Variants in AP3D1 observed in about 807,000 individuals in gnomAD.
AP3D1 encodes AP-3 complex subunit delta-1.
In AP3D1, 51 loss-of-function variants were observed where a neutral mutation model predicts 147.6. The observed-to-expected ratio is 0.35, with a 90% CI of 0.28 to 0.44. The LOEUF (loss-of-function observed/expected upper bound fraction) is 0.44, where lower values mean the gene tolerates loss of function less well. Ranked by LOEUF, AP3D1 falls within the 20% of genes least tolerant of loss-of-function variation. AP3D1 has a pLI of 1.00. For synonymous variants in AP3D1, 760 were observed against 663.0 expected (o/e 1.15, Z -2.25); for missense variants, 1,421 against 1,624.2 (o/e 0.87, Z 2.15).
chr19:2,120,809 A>G, intron 14 of AP3D1, 53 bp downstream of exon 14: 1 of 1,544,964 alleles, frequency 6.5e-7, no homozygotes, highest in South Asian at 1.1e-5. Context: ...CCTGGTCCCT[A>G]CCCCTCAGAA....
intron 29 of AP3D1, chr19:2,109,539 CA>C (rs1158693095): frequency 1.2e-5 from 6 of 486,162 alleles, no homozygotes; most frequent in East Asian, 3.4e-5. Flanking sequence ...TGTGAGGACT[CA>C]GGGGGGAGGG....
intron 20 of AP3D1, 112 bp downstream of exon 20, chr19:2,115,107 C>G: frequency 2.5e-6 from 3 of 1,185,444 alleles, no homozygotes; most frequent in Non-Finnish European, 2.4e-6. Context: ...GGGGTGGGGC[C>G]TCATCCCAGC....
intron 10 of AP3D1, 121 bp downstream of exon 10, chr19:2,123,709 A>G (rs1000929040): frequency 4.0e-5 from 50 of 1,257,484 alleles, no homozygotes; most frequent in Admixed American, 2.0e-4. Flanking sequence ...TGCCCTCCCA[A>G]GCCGCAAGAT....
In AP3D1 at chr19:2,108,672, C is replaced by T. The variant is rs747485603; in HGVS notation, c.3552+15G>A. 3.2e-6 allele frequency: 5 copies of T among 1,567,196 alleles called. No individual in the cohort carries two copies. The highest frequency in any genetic ancestry group is 1.7e-4 in the Middle Eastern group (1 of 6,026). On this transcript the variant is annotated intron_variant, in intron 31 of 31. Transcript: ENST00000643116. Reference sequence around the variant, plus strand: ...GTGGCAGGAGCCAGGGTGTGCACAGCAGCCCGAGGCTCACCTTTTTCACCA... The same window carrying T: ...GTGGCAGGAGCCAGGGTGTGCACAGTAGCCCGAGGCTCACCTTTTTCACCA...
At chr19:2,163,086 T>C (rs1361956356) in intron 1 of AP3D1, among the ~76,000 whole-genome samples, 1 of 152,154 alleles carries the variant, frequency 6.6e-6, no homozygotes, top group Non-Finnish European at 1.5e-5. Flanking sequence ...AATTAATTAT[T>C]TTTTTGAGAC....
intron 11 of AP3D1, among the ~76,000 whole-genome samples, chr19:2,122,428 C>T (rs1447071885): frequency 6.6e-6 from 1 of 152,250 alleles, no homozygotes; most frequent in Non-Finnish European, 1.5e-5. Flanking sequence ...CACGGGGCAG[C>T]ACTGAGCAGA....
rs1487834928 is a variant in AP3D1 at position 2,151,556 on chromosome 19, A to G, written c.-222T>C. 1 of 159,768 alleles carries G rather than the reference A, an allele frequency of 6.3e-6. No individual in the cohort carries two copies. Among genetic ancestry groups the G allele is most frequent in the Non-Finnish European group, 1.3e-5 (1 of 74,158 alleles). The allele number at this position is 159,768 out of a possible 1,614,324, so 9.9% of individuals were successfully genotyped here. Reference sequence around the variant, plus strand: ...TCCGGGCCCCTTGCAAATGGCGGACAAGATGGCGGCGGGTCAGCTGACGAC... The same window carrying G: ...TCCGGGCCCCTTGCAAATGGCGGACGAGATGGCGGCGGGTCAGCTGACGAC... On this transcript the variant is annotated 5_prime_UTR_variant, in exon 1 of 32. Coordinates refer to ENST00000643116, the MANE Select transcript of AP3D1 (RefSeq NM_001261826.3).
chr19:2,155,464 G>A (rs2019637431), upstream of AP3D1, among the ~76,000 whole-genome samples: 1 of 150,496 alleles, frequency 6.6e-6, no homozygotes, highest in Non-Finnish European at 1.5e-5. Flanking sequence ...TATCCAGGAG[G>A]TGGAGGTTGC....
rs995936191 is a variant in AP3D1, at chr19:2,121,099, G to C, written c.1251-7C>G. On this transcript the variant is annotated splice_polypyrimidine_tract_variant and splice_region_variant and intron_variant, in intron 13 of 31. Transcript: ENST00000643116. ...CACCAGGATGCTGATGTACCTGTGG[G>C]GCAGAGGCGGTGAGTGAGCGGCGCC... 1 of 1,613,694 alleles carries C rather than the reference G, an allele frequency of 6.2e-7. No homozygotes were observed. Among genetic ancestry groups the C allele is most frequent in the Non-Finnish European group, 8.5e-7 (1 of 1,179,910 alleles).
intron 9 of AP3D1, 81 bp from the exon 10 acceptor site, chr19:2,123,960 A>ACCCCCTCGC (rs1332014047): frequency 1.4e-6 from 2 of 1,460,600 alleles, no homozygotes; most frequent in Admixed American, 3.9e-5. Flanking sequence ...GGGCACCAGC[A>ACCCCCTCGC]CCCCCTCGCC....
At chr19:2,151,117 C>G in intron 1 of AP3D1, 122 bp downstream of exon 1, 1 of 906,470 alleles carries the variant, frequency 1.1e-6, no homozygotes, top group South Asian at 1.8e-5. Context: ...GAGCCCTAAG[C>G]GGGACCTCCA....
At chr19:2,141,379 G>A (rs1253437198) in intron 1 of AP3D1, among the ~76,000 whole-genome samples, 1 of 151,300 alleles carries the variant, frequency 6.6e-6, no homozygotes. Context: ...AAGTCCTCAG[G>A]ACTGCAGTAA....
At chr19:2,108,296 C>CGTA (rs1165804621) in intron 31 of AP3D1, among the ~76,000 whole-genome samples, 1 of 152,248 alleles carries the variant, frequency 6.6e-6, no homozygotes, top group Non-Finnish European at 1.5e-5. Flanking sequence ...AACCACCCTG[C>CGTA]AGTACTCAGG....
intron 9 of AP3D1, among the ~76,000 whole-genome samples, chr19:2,124,526 C>A (rs1337564788): frequency 6.6e-6 from 1 of 152,194 alleles, no homozygotes; most frequent in Non-Finnish European, 1.5e-5. Context: ...GACTCATTTT[C>A]CACCAAGCCA....
chr19:2,122,993 C>T (rs1229908576), intron 11 of AP3D1, among the ~76,000 whole-genome samples: 1 of 152,242 alleles, frequency 6.6e-6, no homozygotes, highest in Non-Finnish European at 1.5e-5. Flanking sequence ...CAAAGCCTCA[C>T]GCACCCCCGC....
At chr19:2,106,004 G>A (rs1380591523) in intron 31 of AP3D1, among the ~76,000 whole-genome samples, 3 of 152,146 alleles carry the variant, frequency 2.0e-5, no homozygotes, top group African/African-American at 4.8e-5. Flanking sequence ...GGCTGAGGCA[G>A]GAGAATCGCT....
intron 14 of AP3D1, among the ~76,000 whole-genome samples, chr19:2,119,645 G>A (rs765927877): frequency 1.6e-4 from 23 of 140,644 alleles, no homozygotes; most frequent in African/African-American, 5.6e-4. Context: ...GCAGTGAGCC[G>A]AGATCATGCC....
intron 5 of AP3D1, among the ~76,000 whole-genome samples, chr19:2,131,017 T>A (rs2018924029): frequency 6.6e-6 from 1 of 152,226 alleles, no homozygotes; most frequent in Admixed American, 6.5e-5. Context: ...CCCCACTGCT[T>A]TACTCTAGAG....
At chr19:2,155,041 G>A (rs137872210), upstream of AP3D1, among the ~76,000 whole-genome samples, 1,987 of 152,146 alleles carry the variant, frequency 0.013, 21 homozygotes, top group Middle Eastern at 0.037. Flanking sequence ...TTAGCCGGGC[G>A]TGGTGGCGAG....
Sources: allele counts gnomAD v4.1 joint callset (sites outside exome capture counted in the v4.1 genomes callset), GRCh38; gene constraint gnomAD v4.1.1; transcripts MANE v1.5; gene names NCBI Gene and HGNC (gene_info 2026-07-23, HGNC 2026-07-21).